Variants in TAS1R2 observed in about 807,000 individuals in gnomAD.
The protein encoded by TAS1R2 is taste 1 receptor member 2, also known as taste receptor type 1 member 2.
TAS1R2 carries 47 observed loss-of-function variants against 49.3 expected under a neutral mutation model. That is an observed-to-expected ratio of 0.95 (90% CI 0.75 to 1.22). The LOEUF is 1.22. TAS1R2 is among the 50% of genes most tolerant of loss of function. The pLI is 0.00. For synonymous variants in TAS1R2, 479 were observed against 467.9 expected (o/e 1.02, Z -0.31); for missense variants, 1,155 against 1,122.1 (o/e 1.03, Z -0.42).
intron 4 of TAS1R2, among the ~76,000 whole-genome samples, chr1:18,843,083 C>G (rs1557595716): frequency 6.6e-6 from 1 of 152,208 alleles, no homozygotes; most frequent in Non-Finnish European, 1.5e-5. Flanking sequence ...TTAACACTCA[C>G]TATCTTATCA....
rs138168359 is a variant in TAS1R2 at position 18,845,934 on chromosome 1, C to T, written c.1467+3407G>A. Among the ~76,000 whole-genome samples the T allele has an allele frequency of 7.2e-5, 11 of 152,310 alleles. No homozygotes were observed. The East Asian group carries it at 2.1e-3, about 29-fold the overall frequency. On this transcript the variant is annotated intron_variant, in intron 4 of 5. Coordinates refer to ENST00000375371, the Ensembl canonical transcript of TAS1R2. Reference sequence around the variant, plus strand: ...AGAAGAGAGAGATGAATATCAGTGACAACTTTGGGTAGTGGCTAAGTCCGC... The same window carrying T: ...AGAAGAGAGAGATGAATATCAGTGATAACTTTGGGTAGTGGCTAAGTCCGC...
At chr1:18,851,002 A>G (rs1029769814) in intron 3 of TAS1R2, among the ~76,000 whole-genome samples, 11 of 152,210 alleles carry the variant, frequency 7.2e-5, no homozygotes, top group Non-Finnish European at 1.3e-4. Context: ...CAGGGCACAT[A>G]TGATTCCTTC....
chr1:18,841,589 T>C (rs541614718), intron 5 of TAS1R2, 140 bp downstream of exon 5: 1 of 1,268,990 alleles, frequency 7.9e-7, no homozygotes, highest in South Asian at 1.7e-5. Context: ...GAATCAGATC[T>C]GGTCCCTGGC....
chr1:18,841,052 G>A (rs759662254), intron 5 of TAS1R2, among the ~76,000 whole-genome samples: 1 of 152,220 alleles, frequency 6.6e-6, no homozygotes, highest in Non-Finnish European at 1.5e-5. Flanking sequence ...CACCTGCTCT[G>A]TGTCCTGTGC....
chr1:18,850,789 C>T (rs142056202), intron 3 of TAS1R2, among the ~76,000 whole-genome samples: 10 of 152,326 alleles, frequency 6.6e-5, no homozygotes, highest in African/African-American at 2.2e-4. Flanking sequence ...GGTTGAACCC[C>T]GTTTCCCCTT....
chr1:18,855,218 T>G (rs752028343), intron 2 of TAS1R2, among the ~76,000 whole-genome samples: 3 of 151,992 alleles, frequency 2.0e-5, no homozygotes, highest in Admixed American at 6.5e-5. Flanking sequence ...TCACGATTAT[T>G]GAGCACCTAC....
intron 3 of TAS1R2, among the ~76,000 whole-genome samples, chr1:18,852,777 T>C (rs905802366): frequency 6.6e-6 from 1 of 152,240 alleles, no homozygotes; most frequent in Non-Finnish European, 1.5e-5. Context: ...GTTCACTCCC[T>C]ACTTCAGTCC....
chr1:18,844,680 G>A (rs1366940572), intron 4 of TAS1R2, among the ~76,000 whole-genome samples: 1 of 152,164 alleles, frequency 6.6e-6, no homozygotes, highest in Non-Finnish European at 1.5e-5. Flanking sequence ...CTTGATCCCT[G>A]GGGGCGGAGG....
exon 6 of TAS1R2, chr1:18,840,433 A>T: frequency 6.2e-7 from 1 of 1,614,158 alleles, no homozygotes; most frequent in South Asian, 1.1e-5. Flanking sequence ...TGGGTGCCTC[A>T]TGCCATTCCA....
rs368122195 is a variant in TAS1R2, at chr1:18,852,813, T to C, written c.1257+1400A>G. ...TGCCTTCCCTGACCCTCTCCCACCA[T>C]GATGATGCCCCTGCTCTGTGCACAG... On this transcript the variant is annotated intron_variant, in intron 3 of 5. Coordinates refer to ENST00000375371, the Ensembl canonical transcript of TAS1R2. 2.0e-5 allele frequency among the ~76,000 whole-genome samples: 3 copies of C among 152,332 alleles called. No homozygotes were observed. In the East Asian group the frequency reaches 5.8e-4, roughly 29 times the overall value.
intron 3 of TAS1R2, among the ~76,000 whole-genome samples, chr1:18,853,143 C>T (rs1422683381): frequency 1.3e-5 from 2 of 152,170 alleles, no homozygotes; most frequent in South Asian, 2.1e-4. Flanking sequence ...TACCACTGAG[C>T]GATCACGGGC....
exon 6 of TAS1R2, chr1:18,839,737 C>A: frequency 3.7e-6 from 6 of 1,614,174 alleles, no homozygotes; most frequent in South Asian, 2.2e-5. Flanking sequence ...GCACAGTGAC[C>A]AAGAGGTCCA....
At chr1:18,841,579 G>A in intron 5 of TAS1R2, 150 bp downstream of exon 5, 3 of 1,178,416 alleles carry the variant, frequency 2.5e-6, no homozygotes, top group Non-Finnish European at 3.4e-6. Context: ...GATACAAGAG[G>A]AATCAGATCT....
intron 3 of TAS1R2, among the ~76,000 whole-genome samples, chr1:18,850,804 A>T (rs34247511): frequency 0.21 from 31,461 of 152,130 alleles, 4,049 homozygotes; most frequent in East Asian, 0.45. Context: ...CCCCTTCCCC[A>T]TCTAGCCCTA....
Position 18,854,537 on chromosome 1 carries a change from G to C in TAS1R2, c.933C>G (p.His311Gln). ...CCAAGTGGCGCAGCTCCGTGAGGTTGTGCAGGACCGGGTCGATGGCCCAGG... is the reference window on the plus strand; with the variant it reads ...CCAAGTGGCGCAGCTCCGTGAGGTTCTGCAGGACCGGGTCGATGGCCCAGG... Residue 311 changes from histidine to glutamine, a missense_variant, in exon 3 of 6, where the codon CAC becomes CAG. Physicochemically the swap from His to Gln is conservative, Grantham distance 24. Coordinates refer to ENST00000375371, the Ensembl canonical transcript of TAS1R2. The surrounding 1 kb of genome is among the most constrained non-coding windows in gnomAD (Gnocchi z 4.9). The C allele has an allele frequency of 6.2e-7, 1 of 1,613,850 alleles. No homozygotes were observed. The highest frequency in any genetic ancestry group is 8.5e-7 in the Non-Finnish European group (1 of 1,179,852).
At chr1:18,857,371 A>G in exon 2 of TAS1R2, 3 of 1,614,206 alleles carry the variant, frequency 1.9e-6, no homozygotes, top group Non-Finnish European at 2.5e-6. Flanking sequence ...GGCCACAGTC[A>G]TGACAGACTC....
At chr1:18,841,804 T>G (rs768585028) in exon 5 of TAS1R2, 3 of 1,613,740 alleles carry the variant, frequency 1.9e-6, no homozygotes, top group South Asian at 1.1e-5. Context: ...CCCACAGGCT[T>G]CTTCTTTTGC....
At chr1:18,859,651 T>G (rs867600163) in exon 1 of TAS1R2, 1 of 1,614,192 alleles carries the variant, frequency 6.2e-7, no homozygotes, top group African/African-American at 1.3e-5. Flanking sequence ...GTCTTTGCCC[T>G]GGGCCCCATG....
At chr1:18,853,542 A>C (rs932011694) in intron 3 of TAS1R2, among the ~76,000 whole-genome samples, 26 of 152,138 alleles carry the variant, frequency 1.7e-4, no homozygotes, top group African/African-American at 5.6e-4. Flanking sequence ...GGGATCTAGC[A>C]AGGGGGCGAA....
Sources: allele counts gnomAD v4.1 joint callset (sites outside exome capture counted in the v4.1 genomes callset), GRCh38; gene constraint gnomAD v4.1.1; non-coding constraint Gnocchi (gnomAD v3.1); transcripts MANE v1.5; gene names NCBI Gene and HGNC (gene_info 2026-07-23, HGNC 2026-07-21).